The following KAZN variants were observed in gnomAD, a reference collection of about 807,000 sequenced individuals.
The protein encoded by KAZN is kazrin.
Under a neutral mutation model 87.4 loss-of-function variants are expected in KAZN, and 40 were observed. That is an observed-to-expected ratio of 0.46 (90% CI 0.36 to 0.60). The LOEUF (loss-of-function observed/expected upper bound fraction) is 0.60, where lower values mean the gene tolerates loss of function less well. Ranked by LOEUF, KAZN falls within the 20% of genes least tolerant of loss-of-function variation. The pLI, the probability that KAZN is intolerant of heterozygous loss-of-function variation, is 0.00. For missense variants in KAZN, 898 were observed against 1,073.9 expected (o/e 0.84, Z 2.29); for synonymous variants, 466 against 458.3 (o/e 1.02, Z -0.22).
At chr1:14,601,716 T>C (rs879706642) in intron 1 of KAZN, among the ~76,000 whole-genome samples, 14 of 152,188 alleles carry the variant, frequency 9.2e-5, no homozygotes, top group Admixed American at 8.5e-4. Context: ...CAAATTAGTC[T>C]TGTGTTTTCA....
chr1:14,451,208 T>C (rs1667256740), intron 2 of KAZN, among the ~76,000 whole-genome samples: 1 of 152,124 alleles, frequency 6.6e-6, no homozygotes, highest in Non-Finnish European at 1.5e-5. Flanking sequence ...AATGCAAGAA[T>C]GGCCTAACAC....
chr1:14,984,469 T>TA (rs1666572911), intron 2 of KAZN, among the ~76,000 whole-genome samples: 2 of 152,148 alleles, frequency 1.3e-5, no homozygotes, highest in Non-Finnish European at 2.9e-5. Context: ...GGCCTTCTCA[T>TA]ATGGAATGGG....
At chr1:14,205,884 C>CAAAATAAAAAAAAAA (rs1646729996) in intron 2 of KAZN, among the ~76,000 whole-genome samples, 1 of 35,220 alleles carries the variant, frequency 2.8e-5, no homozygotes, top group African/African-American at 1.4e-4. Context: ...GACACTGTCT[C>CAAAATAAAAAAAAAA]AAAAAAAAAA....
chr1:15,088,583 T>C (rs1050305618), intron 8 of KAZN, among the ~76,000 whole-genome samples: 2 of 152,192 alleles, frequency 1.3e-5, no homozygotes, highest in South Asian at 2.1e-4. Context: ...ACATGAGTTA[T>C]TCCCTCTCTC....
intron 2 of KAZN, among the ~76,000 whole-genome samples, chr1:14,487,424 C>T (rs1669408139): frequency 6.6e-6 from 1 of 152,198 alleles, no homozygotes. Context: ...CTCTACCCAC[C>T]TCCTTTCTCA....
In KAZN at chr1:15,043,974, C is replaced by G; in HGVS notation, c.556-15C>G. On this transcript the variant is annotated splice_polypyrimidine_tract_variant and intron_variant, in intron 3 of 14. Coordinates refer to ENST00000376030, the MANE Select transcript of KAZN (RefSeq NM_201628.3). The stretch of plus-strand genomic sequence containing the variant: ...CTGTAACACCCACGGTGCTCTCTCC[C>G]TCTCCCACCCACAGGAGAGCGAGGA... 6.3e-7 allele frequency: 1 copy of G among 1,597,974 alleles called. No individual in the cohort carries two copies. Among genetic ancestry groups the G allele is most frequent in the Non-Finnish European group, 8.5e-7 (1 of 1,170,616 alleles).
chr1:13,893,552 G>A (rs1476308141), exon 1 of KAZN: 1 of 1,458,418 alleles, frequency 6.9e-7, no homozygotes, highest in Admixed American at 2.7e-5. Flanking sequence ...TTTCTTGGAA[G>A]TGACAAGTAG....
chr1:14,649,648 G>A (rs1681074977), intron 1 of KAZN, among the ~76,000 whole-genome samples: 1 of 152,128 alleles, frequency 6.6e-6, no homozygotes, highest in Non-Finnish European at 1.5e-5. Flanking sequence ...CAGACCAAAT[G>A]TCAAGGCGAC....
At position 14,404,609 on chromosome 1, in the gene KAZN, A is replaced by G. The variant is rs540520874; in HGVS notation, c.250-194374A>G. Among the ~76,000 whole-genome samples, 3 of 152,306 alleles carry G rather than the reference A, an allele frequency of 2.0e-5. No individual in the cohort carries two copies. In the East Asian group the frequency reaches 5.8e-4, roughly 29 times the overall value. On this transcript the variant is annotated intron_variant, in intron 2 of 16. Coordinates refer to the KAZN transcript ENST00000636203. ...TATGCATGAAGATGTTCACTGCAGC[A>G]CTGTTTACTCTGGGAAAGAAAAACT...
intron 2 of KAZN, among the ~76,000 whole-genome samples, chr1:14,343,992 T>C (rs1330266457): frequency 6.6e-6 from 1 of 152,178 alleles, no homozygotes; most frequent in Admixed American, 6.5e-5. Flanking sequence ...GGCAGTTCTT[T>C]CTCTTGCTAG....
At chr1:13,906,946 A>G (rs1196610640) in intron 1 of KAZN, among the ~76,000 whole-genome samples, 1 of 152,212 alleles carries the variant, frequency 6.6e-6, no homozygotes, top group African/African-American at 2.4e-5. Context: ...TTCTTCGGGA[A>G]GTAAGGCTTC....
intron 1 of KAZN, among the ~76,000 whole-genome samples, chr1:14,070,177 A>AAAAAAAAAAAAAAAAAAAC (rs1643191870): frequency 6.7e-6 from 1 of 150,258 alleles, no homozygotes; most frequent in Non-Finnish European, 1.5e-5. Context: ...CAAAAAAAAA[A>AAAAAAAAAAAAAAAAAAAC]AAAGTAAATA....
At chr1:14,181,700 C>T (rs994727850) in intron 2 of KAZN, among the ~76,000 whole-genome samples, 2 of 152,154 alleles carry the variant, frequency 1.3e-5, no homozygotes, top group African/African-American at 4.8e-5. Context: ...CTCTCTCCCC[C>T]AGCCTGTCTG....
At chr1:13,895,139 G>A (rs1290393384) in intron 1 of KAZN, among the ~76,000 whole-genome samples, 1 of 152,208 alleles carries the variant, frequency 6.6e-6, no homozygotes, top group African/African-American at 2.4e-5. Context: ...GAGGGGCATA[G>A]CTGCCTTTGG....
chr1:14,530,619 C>G (rs1363862362), intron 2 of KAZN, among the ~76,000 whole-genome samples: 1 of 152,070 alleles, frequency 6.6e-6, no homozygotes, highest in African/African-American at 2.4e-5. Context: ...CTGGCACCTC[C>G]TCCTCTCTCT....
intron 1 of KAZN, among the ~76,000 whole-genome samples, chr1:14,132,150 A>G (rs546587949): frequency 6.6e-6 from 1 of 152,238 alleles, no homozygotes; most frequent in South Asian, 2.1e-4. Context: ...AATTGTGTAG[A>G]ATGCCCCCTA....
At position 15,021,574 on chromosome 1, in the gene KAZN, G is replaced by A. The variant is rs949816782; in HGVS notation, c.419-13175G>A. ...AGCAGGCAGTGGGGGCCTGCTTCCC[G>A]GGGCCCTCCGCCCTCCTGGCTTCCA... On this transcript the variant is annotated intron_variant, in intron 2 of 14. Transcript: ENST00000376030. The surrounding 1 kb of genome is among the most constrained non-coding windows in gnomAD (Gnocchi z 4.2). Among the ~76,000 whole-genome samples the A allele has an allele frequency of 3.9e-5, 6 of 152,046 alleles. No homozygotes were observed. The highest frequency in any genetic ancestry group is 7.4e-5 in the Non-Finnish European group (5 of 68,018).
intron 2 of KAZN, among the ~76,000 whole-genome samples, chr1:14,221,389 A>C (rs2100500573): frequency 6.6e-6 from 1 of 152,166 alleles, no homozygotes; most frequent in Admixed American, 6.5e-5. Flanking sequence ...TACTATCCTC[A>C]CCCTCTAGAA....
At chr1:15,050,416 G>A (rs1373491913) in intron 4 of KAZN, among the ~76,000 whole-genome samples, 4 of 152,146 alleles carry the variant, frequency 2.6e-5, no homozygotes, top group Non-Finnish European at 5.9e-5. Context: ...CCTCGCACAT[G>A]TCACCTTTAA....
Sources: gnomAD v4.1 joint callset for allele counts (sites outside exome capture counted in the v4.1 genomes callset) on GRCh38, gnomAD v4.1.1 for gene constraint, Gnocchi (gnomAD v3.1) non-coding constraint, MANE v1.5 for transcripts, NCBI Gene and HGNC (gene_info 2026-07-23, HGNC 2026-07-21) for gene names.